BIN2: variants seen among roughly 807,000 people sequenced by gnomAD.
The protein encoded by BIN2 is breast cancer associated protein BRAP1.
A neutral mutation model predicts 67.9 loss-of-function variants in BIN2; 43 were observed. The observed-to-expected ratio is 0.63, with a 90% confidence interval of 0.50 to 0.82. The LOEUF (loss-of-function observed/expected upper bound fraction) is 0.82. Among genes scored for constraint, BIN2 ranks in the 40% least tolerant of loss-of-function variants. BIN2 has a pLI of 0.00. For synonymous variants in BIN2, 244 were observed against 246.8 expected, an observed-to-expected ratio of 0.99 and a Z score of 0.11; for missense variants, 581 against 671.6, an observed-to-expected ratio of 0.87 and a Z score of 1.49.
At chr12:51,316,563 G>T (rs1197917010) in intron 1 of BIN2, among the ~76,000 whole-genome samples, 1 of 152,088 alleles carries the variant, frequency 6.6e-6, no homozygotes, top group Non-Finnish European at 1.5e-5. Flanking sequence ...ATGCATGCAG[G>T]TCCCAAGGCT....
At chr12:51,309,392 C>T (rs1421766077) in intron 2 of BIN2, among the ~76,000 whole-genome samples, 1 of 152,218 alleles carries the variant, frequency 6.6e-6, no homozygotes, top group Admixed American at 6.5e-5. Flanking sequence ...GGCAGGTTGT[C>T]TCATTCATGC....
chr12:51,320,936 A>ACACACACAC (rs1031506424), intron 1 of BIN2, among the ~76,000 whole-genome samples: 1,834 of 138,750 alleles, frequency 0.013, 77 homozygotes, highest in Middle Eastern at 0.036. Context: ...TCATACTAAA[A>ACACACACAC]ACACACACAC....
chr12:51,282,597 C>CTA (rs1945141482), intron 12 of BIN2, among the ~76,000 whole-genome samples: 1 of 151,988 alleles, frequency 6.6e-6, no homozygotes, highest in African/African-American at 2.4e-5. Flanking sequence ...AAATATTTTT[C>CTA]TATATATATT....
At chr12:51,315,132 G>A (rs550083748) in intron 1 of BIN2, among the ~76,000 whole-genome samples, 1 of 151,734 alleles carries the variant, frequency 6.6e-6, no homozygotes, top group Non-Finnish European at 1.5e-5. Flanking sequence ...GCAATTATAG[G>A]CATGAGCCAT....
intron 12 of BIN2, among the ~76,000 whole-genome samples, chr12:51,283,845 T>C (rs1945174469): frequency 1.3e-5 from 2 of 151,736 alleles, no homozygotes; most frequent in African/African-American, 2.4e-5. Flanking sequence ...AAGTACAAAA[T>C]TAGCTGGGCG....
rs769557937 is a variant in BIN2 at position 51,302,691 on chromosome 12, C to T, written c.307G>A (p.Val103Ile). The stretch of plus-strand genomic sequence containing the variant: ...AAAACTCAAGCCACTCTTACCCATA[C>T]GATGGCCTTCAGCTCCTCATGACCG... ...WDGHEELKAIVWNNDLLWEDY... is the reference protein window; with the variant it reads ...WDGHEELKAIIWNNDLLWEDY... The change falls in exon 4 of 13, where the codon GTA becomes ATA. Residue 103 changes from valine to isoleucine, a missense_variant. Physicochemically the swap from Val to Ile is conservative, Grantham distance 29. Coordinates refer to ENST00000615107, the MANE Select transcript of BIN2 (RefSeq NM_016293.4). The T allele has an allele frequency of 4.3e-6, 7 of 1,613,268 alleles. No homozygotes were observed. The highest frequency in any genetic ancestry group is 1.7e-4 in the Middle Eastern group (1 of 6,008).
chr12:51,293,098 A>G (rs1207172493), intron 9 of BIN2, among the ~76,000 whole-genome samples: 1 of 152,042 alleles, frequency 6.6e-6, no homozygotes, highest in Admixed American at 6.6e-5. Context: ...TGGGTGGTTG[A>G]TGAAAATGTT....
chr12:51,302,745 G>A lies in BIN2; in HGVS notation c.253C>T (p.Leu85=), dbSNP rs779073492. 5 of 1,613,986 alleles carry A rather than the reference G, an allele frequency of 3.1e-6. No homozygotes were observed. The Admixed American group carries it at 8.3e-5, about 27-fold the overall frequency. ...CACTCGCTGCTGTAGATCTCCTGCA[G>A]GGTTTCTGACACTCTTTTTGAACTT... ...HESSKRVSET[L]QEIYSSEWDG... is the part of the protein sequence containing the mutation. The change falls in exon 4 of 13, where the codon CTG becomes TTG. Residue 85 remains leucine (L), a synonymous_variant. Transcript: ENST00000615107.
rs376353509 is a variant in BIN2, at chr12:51,292,077, G to A, written c.1029C>T (p.Pro343=). 2.9e-5 allele frequency: 47 copies of A among 1,614,002 alleles called. No individual in the cohort carries two copies. Among genetic ancestry groups the A allele is most frequent in the East Asian group, 1.1e-4 (5 of 44,902 alleles). ...EDEPLPACNG[P]AQAQPSPTTE... ...TGGTAGGAGAGGGCTGGGCCTGGGC[G>A]GGGCCATTGCAGGCTGGTAGAGGCT... The change falls in exon 10 of 13, where the codon CCC becomes CCT. Residue 343 remains proline (P), a synonymous_variant. Transcript: ENST00000615107.
intron 2 of BIN2, among the ~76,000 whole-genome samples, chr12:51,307,631 C>G (rs1038910315): frequency 2.0e-5 from 3 of 151,832 alleles, no homozygotes; most frequent in Non-Finnish European, 4.4e-5. Flanking sequence ...ATCGCTTGAA[C>G]CCGGGGGCAC....
chr12:51,300,328 T>C (rs1045945237), intron 5 of BIN2, among the ~76,000 whole-genome samples: 5 of 152,122 alleles, frequency 3.3e-5, no homozygotes, highest in Non-Finnish European at 7.4e-5. Flanking sequence ...GTATTAAATT[T>C]TAATATTTCC....
intron 2 of BIN2, among the ~76,000 whole-genome samples, chr12:51,311,780 T>A (rs1456427635): frequency 1.3e-5 from 2 of 151,886 alleles, no homozygotes; most frequent in Non-Finnish European, 2.9e-5. Context: ...TGAATTTTTT[T>A]TTTCTTTTTG....
Position 51,292,184 on chromosome 12 carries a change from C to T in BIN2, c.922G>A (p.Asp308Asn). Residue 308 changes from aspartate (D) to asparagine (N), a missense_variant, in exon 10 of 13, where the codon GAC (aspartate) becomes AAC (asparagine). Transcript: ENST00000615107. The part of the protein sequence containing the change: ...DLAPDAAQGE[D>N]NSEIKELLEE... ...AAGAGCTCCTTGATCTCAGAATTGT[C>T]TTCCCCTTGGGCTGCATCAGGTGCC... 1 of 1,613,372 alleles carries T rather than the reference C, an allele frequency of 6.2e-7. No homozygotes were observed. Among genetic ancestry groups the T allele is most frequent in the African/African-American group, 1.3e-5 (1 of 74,962 alleles).
intron 12 of BIN2, among the ~76,000 whole-genome samples, chr12:51,284,466 A>G (rs1945189835): frequency 6.6e-6 from 1 of 152,150 alleles, no homozygotes. Context: ...CCTTTTTGAA[A>G]TAATTTGAGA....
intron 1 of BIN2, among the ~76,000 whole-genome samples, chr12:51,315,280 C>T (rs1946094736): frequency 1.3e-5 from 2 of 152,100 alleles, no homozygotes; most frequent in Admixed American, 1.3e-4. Flanking sequence ...CGCCATTCTC[C>T]TGCCTCAGCC....
chr12:51,320,936 A>ACACACACACACACACACAC (rs1031506424), intron 1 of BIN2, among the ~76,000 whole-genome samples: 6,235 of 138,392 alleles, frequency 0.045, 390 homozygotes, highest in Non-Finnish European at 0.055. Flanking sequence ...TCATACTAAA[A>ACACACACACACACACACAC]ACACACACAC....
intron 2 of BIN2, among the ~76,000 whole-genome samples, chr12:51,303,888 C>T (rs1320343364): frequency 6.6e-6 from 1 of 152,212 alleles, no homozygotes; most frequent in Non-Finnish European, 1.5e-5. Flanking sequence ...CCCAATACTT[C>T]CAGAAACTGG....
Position 51,295,802 on chromosome 12 carries a change from A to C in BIN2, c.755T>G (p.Leu252Arg). Residue 252 changes from leucine (L) to arginine (R), a missense_variant, in exon 9 of 13, where the codon CTG becomes CGG. Leu to Arg is a moderately radical substitution (Grantham distance 102). Coordinates refer to ENST00000615107, the MANE Select transcript of BIN2 (RefSeq NM_016293.4). ...HSNKVFVVKG[L>R]SSSSRRSLVI... is the part of the protein sequence containing the mutation. ...AGTCTTGGATGCTGCTCACCTTGAC[A>C]GTCCCTTCACCACAAAGACTTTATT... The C allele has an allele frequency of 3.7e-6, 6 of 1,613,006 alleles. No individual in the cohort carries two copies. Among genetic ancestry groups the C allele is most frequent in the Non-Finnish European group, 5.1e-6 (6 of 1,179,634 alleles).
At chr12:51,311,983 G>A (rs4448733) in intron 2 of BIN2, among the ~76,000 whole-genome samples, 17,307 of 152,070 alleles carry the variant, frequency 0.11, 1,080 homozygotes, top group African/African-American at 0.15. Context: ...TGTTGGCCAG[G>A]CTGGTCTCGA....
Sources: allele counts gnomAD v4.1 joint callset (sites outside exome capture counted in the v4.1 genomes callset), GRCh38; gene constraint gnomAD v4.1.1; transcripts MANE v1.5; gene names NCBI Gene and HGNC (gene_info 2026-07-23, HGNC 2026-07-21).